The following NRXN3 variants were observed in gnomAD, a reference collection of about 807,000 sequenced individuals.
NRXN3 encodes neurexin 3, also known as neurexin III.
A neutral mutation model predicts 137.6 loss-of-function variants in NRXN3; 32 were observed. The ratio of observed to expected loss-of-function variants is 0.23; its 90% CI spans 0.18 to 0.31. The LOEUF (loss-of-function observed/expected upper bound fraction) is 0.31. Among genes scored for constraint, NRXN3 ranks in the 10% least tolerant of loss-of-function variants. NRXN3 has a pLI of 1.00. For synonymous variants in NRXN3, 798 were observed against 784.5 expected (o/e 1.02, Z -0.29); for missense variants, 1,574 against 2,062.5 (o/e 0.76, Z 4.59).
chr14:79,244,168 T>A (rs991242111), intron 15 of NRXN3, among the ~76,000 whole-genome samples: 4 of 152,072 alleles, frequency 2.6e-5, no homozygotes, highest in Non-Finnish European at 4.4e-5. Context: ...GGCATTGAAG[T>A]TTCTAAGAGT....
chr14:78,292,188 C>T (rs894276870), intron 3 of NRXN3, among the ~76,000 whole-genome samples: 2 of 152,346 alleles, frequency 1.3e-5, no homozygotes, highest in East Asian at 3.9e-4. Flanking sequence ...ATGATGGCCA[C>T]AGCCGCTTAC....
At chr14:78,974,451 G>A (rs1348769888) in intron 14 of NRXN3, among the ~76,000 whole-genome samples, 3 of 152,154 alleles carry the variant, frequency 2.0e-5, no homozygotes, top group Non-Finnish European at 2.9e-5. Context: ...CTCATCCAAA[G>A]GAATAATGGT....
At chr14:78,458,908 G>T (rs1406132160) in intron 4 of NRXN3, among the ~76,000 whole-genome samples, 1 of 152,188 alleles carries the variant, frequency 6.6e-6, no homozygotes, top group Non-Finnish European at 1.5e-5. Context: ...TTGGAGAGGG[G>T]AATCCTACAT....
chr14:78,340,265 G>A (rs1181253766), intron 4 of NRXN3, among the ~76,000 whole-genome samples: 2 of 152,222 alleles, frequency 1.3e-5, no homozygotes, highest in African/African-American at 4.8e-5. Context: ...AAGAGGACCA[G>A]TCCAGCCCTT....
intron 15 of NRXN3, among the ~76,000 whole-genome samples, chr14:79,185,930 T>G (rs947845288): frequency 8.5e-5 from 13 of 152,212 alleles, no homozygotes; most frequent in Admixed American, 8.5e-4. Context: ...TTCTCTAGGT[T>G]TTCTAGCTGT....
chr14:79,276,962 C>T (rs900822169), intron 15 of NRXN3, among the ~76,000 whole-genome samples: 1 of 152,146 alleles, frequency 6.6e-6, no homozygotes, highest in Non-Finnish European at 1.5e-5. Flanking sequence ...AAAATGAAGA[C>T]TCAGCCCTCA....
At chr14:79,794,487 TAAGA>T (rs1055172419) in intron 19 of NRXN3, among the ~76,000 whole-genome samples, 7 of 152,198 alleles carry the variant, frequency 4.6e-5, no homozygotes, top group African/African-American at 1.7e-4. Flanking sequence ...TACAGAGACT[TAAGA>T]AAGGATGTGA....
At chr14:78,239,496 C>T (rs2066794810) in intron 1 of NRXN3, among the ~76,000 whole-genome samples, 2 of 152,184 alleles carry the variant, frequency 1.3e-5, no homozygotes. Flanking sequence ...GAAATTGTGT[C>T]ACGTTTCATG....
intron 1 of NRXN3, among the ~76,000 whole-genome samples, chr14:78,175,491 G>A (rs963781731): frequency 2.0e-5 from 3 of 152,210 alleles, no homozygotes; most frequent in Non-Finnish European, 4.4e-5. Flanking sequence ...GTGCTGGCCC[G>A]TGGTCGGCTG....
chr14:79,265,985 A>G lies in NRXN3; in HGVS notation c.3263-201236A>G, dbSNP rs576354663. Among the ~76,000 whole-genome samples, 55 of 152,300 alleles carry G rather than the reference A, an allele frequency of 3.6e-4. 1 individual carries two copies. The highest frequency in any genetic ancestry group is 1.2e-3 in the African/African-American group (49 of 41,568). Reference sequence around the variant, plus strand: ...CAAGGCAGGAGAGACGTGGGACAGGAAAAATAAATAGTAGGCACAAGCATA... The same window carrying G: ...CAAGGCAGGAGAGACGTGGGACAGGGAAAATAAATAGTAGGCACAAGCATA... On this transcript the variant is annotated intron_variant, in intron 15 of 20. Transcript: ENST00000335750.
At chr14:78,830,508 A>C (rs1380908640) in intron 10 of NRXN3, among the ~76,000 whole-genome samples, 1 of 151,962 alleles carries the variant, frequency 6.6e-6, no homozygotes, top group Non-Finnish European at 1.5e-5. Flanking sequence ...AACATAGGGC[A>C]TTTTTTTCCT....
rs35820550 is a variant in NRXN3, at chr14:79,469,709, GA to G, written c.3444+2313del. On this transcript the variant is annotated intron_variant, in intron 16 of 20. Transcript: ENST00000335750. ...GAAATGATGTCACCTGACCCTTTCAGAAAAAAGGAAAAAAGGATCCTATGCT... is the reference window on the plus strand; with the variant it reads ...GAAATGATGTCACCTGACCCTTTCAGAAAAAGGAAAAAAGGATCCTATGCT... 2.6e-5 allele frequency among the ~76,000 whole-genome samples: 4 copies of G among 152,050 alleles called. No individual in the cohort carries two copies. In the East Asian group the frequency reaches 7.7e-4, roughly 29 times the overall value.
intron 15 of NRXN3, among the ~76,000 whole-genome samples, chr14:79,169,261 T>C (rs2153088240): frequency 6.6e-6 from 1 of 152,220 alleles, no homozygotes; most frequent in East Asian, 1.9e-4. Context: ...CCCAGCCCTT[T>C]AACTCTTTTC....
intron 15 of NRXN3, among the ~76,000 whole-genome samples, chr14:79,021,595 C>G (rs1276619115): frequency 1.3e-5 from 2 of 152,070 alleles, no homozygotes; most frequent in East Asian, 3.9e-4. Context: ...AGCTCACAAT[C>G]TAGTGGAGAG....
intron 19 of NRXN3, among the ~76,000 whole-genome samples, chr14:79,710,075 G>A (rs1180538436): frequency 1.3e-5 from 2 of 152,022 alleles, no homozygotes; most frequent in Non-Finnish European, 1.5e-5. Flanking sequence ...TTGGGGGTTT[G>A]TTTGTTTTAT....
intron 15 of NRXN3, among the ~76,000 whole-genome samples, chr14:79,110,301 C>T (rs1030443472): frequency 1.3e-4 from 20 of 152,182 alleles, no homozygotes; most frequent in East Asian, 5.8e-4. Context: ...ATCTGCGAGA[C>T]GGCTTGTGTG....
At chr14:78,694,630 C>G (rs769178234) in intron 6 of NRXN3, among the ~76,000 whole-genome samples, 1 of 151,938 alleles carries the variant, frequency 6.6e-6, no homozygotes. Context: ...GGCAGCTTCT[C>G]TGTACTACAT....
chr14:79,821,740 C>T (rs1171665622), intron 20 of NRXN3, among the ~76,000 whole-genome samples: 7 of 141,066 alleles, frequency 5.0e-5, no homozygotes, highest in Non-Finnish European at 4.5e-5. Context: ...AAACTATAAG[C>T]TTGATGAATT....
At chr14:78,821,660 C>G (rs1246776209) in intron 10 of NRXN3, among the ~76,000 whole-genome samples, 2 of 151,646 alleles carry the variant, frequency 1.3e-5, no homozygotes, top group Non-Finnish European at 2.9e-5. Context: ...CCTTTCCCAT[C>G]TCACAGAGAA....
Sources: allele counts gnomAD v4.1 joint callset (sites outside exome capture counted in the v4.1 genomes callset), GRCh38; gene constraint gnomAD v4.1.1; transcripts MANE v1.5; gene names NCBI Gene and HGNC (gene_info 2026-07-23, HGNC 2026-07-21).